PTGER3: variants seen among roughly 807,000 people sequenced by gnomAD.
PTGER3 encodes prostaglandin E receptor 3, also known as prostaglandin E2 receptor EP3 subtype.
Under a neutral mutation model 34.7 loss-of-function variants are expected in PTGER3, and 22 were observed. The observed-to-expected ratio is 0.63, with a 90% confidence interval of 0.45 to 0.91. The LOEUF (loss-of-function observed/expected upper bound fraction) is 0.91. Ranked by LOEUF, PTGER3 falls within the 40% of genes least tolerant of loss-of-function variation. The pLI, the probability that PTGER3 is intolerant of heterozygous loss-of-function variation, is 0.00. For missense variants in PTGER3, 468 were observed against 519.4 expected (o/e 0.90, Z 0.96); for synonymous variants, 241 against 230.1 (o/e 1.05, Z -0.43).
chr1:71,003,140 T>A (rs1424437708), intron 2 of PTGER3, among the ~76,000 whole-genome samples: 1 of 152,224 alleles, frequency 6.6e-6, no homozygotes, highest in Non-Finnish European at 1.5e-5. Context: ...AAGATTCTAC[T>A]AATAGCTTTA....
At chr1:70,921,699 C>A (rs1489490156) in intron 4 of PTGER3, among the ~76,000 whole-genome samples, 1 of 152,120 alleles carries the variant, frequency 6.6e-6, no homozygotes, top group Non-Finnish European at 1.5e-5. Flanking sequence ...TCCCTCTTGT[C>A]TCTTGTATGT....
At chr1:71,045,275 A>G (rs1426256419) in intron 1 of PTGER3, among the ~76,000 whole-genome samples, 1 of 152,220 alleles carries the variant, frequency 6.6e-6, no homozygotes, top group African/African-American at 2.4e-5. Flanking sequence ...CATGGCGCAC[A>G]AAAAACTCAA....
At chr1:70,856,733 G>T (rs1383075676) in intron 4 of PTGER3, among the ~76,000 whole-genome samples, 1 of 152,052 alleles carries the variant, frequency 6.6e-6, no homozygotes, top group Non-Finnish European at 1.5e-5. Flanking sequence ...TTTGGAAAAT[G>T]GATAGTTCTT....
intron 1 of PTGER3, among the ~76,000 whole-genome samples, chr1:71,033,097 T>C (rs1414061741): frequency 6.6e-6 from 1 of 152,208 alleles, no homozygotes; most frequent in Non-Finnish European, 1.5e-5. Flanking sequence ...TCTCTCTTCC[T>C]AGTTGTGTAA....
At chr1:71,010,998 A>G (rs1392222875) in intron 2 of PTGER3, 1 of 985,664 alleles carries the variant, frequency 1.0e-6, no homozygotes, top group East Asian at 1.1e-4. Flanking sequence ...TCACAATAAA[A>G]AGTTAATGGG....
At chr1:70,978,827 A>C (rs1226290819) in intron 2 of PTGER3, among the ~76,000 whole-genome samples, 1 of 152,084 alleles carries the variant, frequency 6.6e-6, no homozygotes, top group Admixed American at 6.5e-5. Flanking sequence ...GCACATTTTA[A>C]AGCTAAAAGG....
intron 1 of PTGER3, among the ~76,000 whole-genome samples, chr1:71,043,908 C>T (rs1197430249): frequency 6.6e-6 from 1 of 151,318 alleles, no homozygotes; most frequent in Non-Finnish European, 1.5e-5. Context: ...CCTCTGTCTC[C>T]CTAGCCTAAG....
At chr1:70,859,941 G>A (rs907183653) in intron 4 of PTGER3, among the ~76,000 whole-genome samples, 10 of 151,880 alleles carry the variant, frequency 6.6e-5, no homozygotes, top group Non-Finnish European at 1.2e-4. Context: ...AAAGAAAGAA[G>A]TAATGAGACA....
At chr1:70,934,654 G>A (rs1045315767) in intron 4 of PTGER3, among the ~76,000 whole-genome samples, 1 of 152,098 alleles carries the variant, frequency 6.6e-6, no homozygotes, top group African/African-American at 2.4e-5. Context: ...TGTCTCCATT[G>A]ATACATAAAT....
intron 2 of PTGER3, among the ~76,000 whole-genome samples, chr1:71,002,873 C>G (rs1452903915): frequency 1.3e-5 from 2 of 152,294 alleles, no homozygotes; most frequent in East Asian, 3.9e-4. Context: ...AAGAAGACTC[C>G]AACTCACAGA....
At chr1:70,983,281 T>C (rs1456673871) in intron 2 of PTGER3, among the ~76,000 whole-genome samples, 3 of 92,128 alleles carry the variant, frequency 3.3e-5, no homozygotes, top group Admixed American at 3.0e-4. Context: ...TTTTAATTAA[T>C]CTGAAAAAAA....
rs1002401734 is a variant in PTGER3 at position 71,022,638 on chromosome 1, G to A, written c.898-10154C>T. On this transcript the variant is annotated intron_variant, in intron 1 of 3. Transcript: ENST00000306666. Reference sequence around the variant, plus strand: ...GACACTGGGTGAATATGAGCAGATTGAGGTGTCCTTAAATGTATGCTCACC... The same window carrying A: ...GACACTGGGTGAATATGAGCAGATTAAGGTGTCCTTAAATGTATGCTCACC... Among the ~76,000 whole-genome samples, 4 of 151,832 alleles carry A rather than the reference G, an allele frequency of 2.6e-5. No homozygotes were observed. The South Asian group carries it at 6.2e-4, about 24-fold the overall frequency.
At chr1:70,912,216 T>C (rs1208711742) in intron 4 of PTGER3, among the ~76,000 whole-genome samples, 1 of 152,106 alleles carries the variant, frequency 6.6e-6, no homozygotes, top group Non-Finnish European at 1.5e-5. Flanking sequence ...CTTTGAACTC[T>C]GATTGCAGGA....
intron 1 of PTGER3, among the ~76,000 whole-genome samples, chr1:71,033,661 CTTTG>C (rs969669302): frequency 6.6e-6 from 1 of 151,960 alleles, no homozygotes; most frequent in Non-Finnish European, 1.5e-5. Flanking sequence ...TGGTTCTCAG[CTTTG>C]TTTCTTTTTT....
intron 2 of PTGER3, among the ~76,000 whole-genome samples, chr1:70,955,239 T>C (rs1651197169): frequency 6.6e-6 from 1 of 152,178 alleles, no homozygotes; most frequent in Admixed American, 6.5e-5. Flanking sequence ...GCCTCAAGCT[T>C]CTTATCTCTG....
intron 4 of PTGER3, among the ~76,000 whole-genome samples, chr1:70,919,773 C>T (rs1031195166): frequency 6.6e-6 from 1 of 152,114 alleles, no homozygotes; most frequent in African/African-American, 2.4e-5. Context: ...CTATTCTATA[C>T]TCTGTGTAGT....
At chr1:71,013,307 C>T (rs954323058) in intron 1 of PTGER3, among the ~76,000 whole-genome samples, 4 of 152,060 alleles carry the variant, frequency 2.6e-5, no homozygotes, top group Admixed American at 1.3e-4. Flanking sequence ...TGTGCGAGAA[C>T]AAATTTTTAT....
intron 4 of PTGER3, among the ~76,000 whole-genome samples, chr1:70,858,105 G>C (rs1645848947): frequency 1.3e-5 from 2 of 151,766 alleles, no homozygotes; most frequent in African/African-American, 4.8e-5. Context: ...ACCCTAGAAA[G>C]TTCACTTAAT....
rs77345592 is a variant in PTGER3, at chr1:70,944,739, C to T, written c.*23+9024G>A. On this transcript the variant is annotated intron_variant, in intron 4 of 4. Coordinates refer to the PTGER3 transcript ENST00000370931. ...TGAGACTGAATGAAGATGAAAAATG[C>T]TACCTATTGTGCCATTTGTGGATAT... Among the ~76,000 whole-genome samples, 668 of 152,182 alleles carry T rather than the reference C, an allele frequency of 4.4e-3. 6 individuals are homozygous for T. Among genetic ancestry groups the T allele is most frequent in the African/African-American group, 0.015 (629 of 41,554 alleles).
Sources: allele counts gnomAD v4.1 joint callset (sites outside exome capture counted in the v4.1 genomes callset), GRCh38; gene constraint gnomAD v4.1.1; transcripts MANE v1.5; gene names NCBI Gene and HGNC (gene_info 2026-07-23, HGNC 2026-07-21).